C12orf75: variants seen among roughly 807,000 people sequenced by gnomAD.
C12orf75 encodes chromosome 12 open reading frame 75.
Under a neutral mutation model 11.4 loss-of-function variants are expected in C12orf75, and 4 were observed. That is an observed-to-expected ratio of 0.35 (90% confidence interval 0.17 to 0.80). C12orf75 has a LOEUF of 0.80. C12orf75 is among the 30% of genes least tolerant of loss of function. C12orf75 has a pLI of 0.52. For synonymous variants in C12orf75, 30 were observed against 30.0 expected (o/e 1.00, Z 0.00); for missense variants, 89 against 80.4 (o/e 1.11, Z -0.41).
chr12:105,363,207 C>T (rs542533015), intron 2 of C12orf75, among the ~76,000 whole-genome samples: 79 of 152,352 alleles, frequency 5.2e-4, no homozygotes, highest in Middle Eastern at 3.4e-3. Flanking sequence ...CAGGCCTAGG[C>T]CCTCAGAGCT....
chr12:105,352,303 G>A (rs142949526), intron 2 of C12orf75, among the ~76,000 whole-genome samples: 45 of 152,260 alleles, frequency 3.0e-4, no homozygotes, highest in Middle Eastern at 3.4e-3. Context: ...GTGGAAGTGA[G>A]CCAGGTGCAA....
rs1340652246 is a variant in C12orf75 at position 105,371,473 on chromosome 12, AT to A, written c.*875del. On this transcript the variant is annotated 3_prime_UTR_variant, in exon 6 of 6. Transcript: ENST00000443585. ...TTAGTATTGCAATGTAAGTTACTCAATTCACCAATGTATTTCAACAATTAAA... is the reference window on the plus strand; with the variant it reads ...TTAGTATTGCAATGTAAGTTACTCAATCACCAATGTATTTCAACAATTAAA... The A allele has an allele frequency of 2.6e-5, 4 of 152,328 alleles. No individual in the cohort carries two copies. In the East Asian group the frequency reaches 7.7e-4, roughly 29 times the overall value. 9.4% of individuals were successfully genotyped at this position (152,328 alleles called of 1,614,324 possible).
In C12orf75 at chr12:105,330,896, G is replaced by T. The variant is rs1054851755; in HGVS notation, c.5G>T (p.Gly2Val). 25 of 1,248,360 alleles carry T rather than the reference G, an allele frequency of 2.0e-5. No individual in the cohort carries two copies. The highest frequency in any genetic ancestry group is 3.1e-4 in the Middle Eastern group (1 of 3,278). 77.3% of individuals were successfully genotyped at this position (1,248,360 alleles called of 1,614,324 possible). M[G>V]CGNSTATSAG... ...GCTTCCCCGGCCGGCTGCGCGATGG[G>T]CTGCGGGAACTCCACCGCCACCAGC... Residue 2 changes from glycine to valine, a missense_variant, in exon 1 of 6, where the codon GGC becomes GTC. Transcript: ENST00000443585.
chr12:105,368,275 T>C (rs1159242470), intron 5 of C12orf75, among the ~76,000 whole-genome samples: 2 of 152,152 alleles, frequency 1.3e-5, no homozygotes, highest in Non-Finnish European at 2.9e-5. Context: ...CATGCTGGGC[T>C]CTCCACTGTA....
intron 1 of C12orf75, among the ~76,000 whole-genome samples, chr12:105,334,021 G>T (rs899915457): frequency 6.6e-6 from 1 of 152,168 alleles, no homozygotes; most frequent in Non-Finnish European, 1.5e-5. Flanking sequence ...ATGACAGATT[G>T]ATATGCAGTA....
intron 1 of C12orf75, among the ~76,000 whole-genome samples, chr12:105,345,726 A>G (rs1334096471): frequency 2.4e-5 from 3 of 123,568 alleles, no homozygotes; most frequent in Non-Finnish European, 3.1e-5. Context: ...CAGTGGTGCA[A>G]TCTCAACTCA....
At chr12:105,357,062 C>G (rs1449746073) in intron 2 of C12orf75, among the ~76,000 whole-genome samples, 1 of 152,184 alleles carries the variant, frequency 6.6e-6, no homozygotes, top group Non-Finnish European at 1.5e-5. Flanking sequence ...GCCCACCTTC[C>G]AGAACCCCGA....
intron 2 of C12orf75, among the ~76,000 whole-genome samples, chr12:105,354,175 GA>G (rs889669800): frequency 1.3e-5 from 2 of 152,138 alleles, no homozygotes; most frequent in African/African-American, 4.8e-5. Context: ...AAGTAGCATT[GA>G]AAAAGCCTGC....
In C12orf75 at chr12:105,330,702, G is replaced by A; in HGVS notation, c.-190G>A. 1 of 412,776 alleles carries A rather than the reference G, an allele frequency of 2.4e-6. No individual in the cohort carries two copies. Among genetic ancestry groups the A allele is most frequent in the Non-Finnish European group, 3.6e-6 (1 of 274,646 alleles). The allele number at this position is 412,776 out of a possible 1,614,324, so 25.6% of individuals were successfully genotyped here. ...GAGGGGTGCCGGGTGGTTTCCGCCC[G>A]GCAGCCCGCAGCCCGCTGCGCCCCG... On this transcript the variant is annotated 5_prime_UTR_variant, in exon 1 of 6. Transcript: ENST00000443585.
chr12:105,352,835 T>G (rs1009172528), intron 2 of C12orf75, among the ~76,000 whole-genome samples: 1 of 152,192 alleles, frequency 6.6e-6, no homozygotes, highest in African/African-American at 2.4e-5. Flanking sequence ...TGACAATGTC[T>G]AGAAACTTAA....
intron 1 of C12orf75, among the ~76,000 whole-genome samples, chr12:105,333,848 G>C (rs715167): frequency 0.47 from 70,936 of 151,958 alleles, 16,905 homozygotes; most frequent in Non-Finnish European, 0.51. Context: ...AATATTTTTT[G>C]ATGCATTAAC....
intron 2 of C12orf75, among the ~76,000 whole-genome samples, chr12:105,355,192 C>A (rs555474006): frequency 1.7e-3 from 111 of 63,714 alleles, no homozygotes; most frequent in East Asian, 6.0e-3. Flanking sequence ...TTTTTTTTTT[C>A]AGAGTTTTGC....
intron 1 of C12orf75, among the ~76,000 whole-genome samples, chr12:105,338,307 T>C (rs945370083): frequency 6.6e-6 from 1 of 152,184 alleles, no homozygotes; most frequent in Non-Finnish European, 1.5e-5. Flanking sequence ...CCCGAGTAGC[T>C]GGGATTACAG....
chr12:105,341,882 G>A (rs1892579242), intron 1 of C12orf75, among the ~76,000 whole-genome samples: 1 of 152,238 alleles, frequency 6.6e-6, no homozygotes, highest in South Asian at 2.1e-4. Flanking sequence ...TAGTGAATAA[G>A]TCATGAGATC....
intron 1 of C12orf75, among the ~76,000 whole-genome samples, chr12:105,338,826 A>G (rs1309698513): frequency 1.3e-5 from 2 of 152,162 alleles, no homozygotes; most frequent in African/African-American, 2.4e-5. Context: ...CCATTCATGA[A>G]GGATCTGCCC....
Position 105,371,392 on chromosome 12 carries a change from G to A in C12orf75, c.*792G>A, listed in dbSNP as rs142018451. 2 of 152,150 alleles carry A rather than the reference G, an allele frequency of 1.3e-5. No homozygotes were observed. Among genetic ancestry groups the A allele is most frequent in the South Asian group, 2.1e-4 (1 of 4,824 alleles). The allele number at this position is 152,150 out of a possible 1,614,324, so 9.4% of individuals were successfully genotyped here. On this transcript the variant is annotated 3_prime_UTR_variant, in exon 6 of 6. Coordinates refer to ENST00000443585, the MANE Select transcript of C12orf75 (RefSeq NM_001145199.2). ...TTTCTATAACTTTTCAAGGACTTGC[G>A]ATGGATGGTTAGTGGGATATCTGGA...
chr12:105,366,874 A>T (rs1871495493), intron 4 of C12orf75, among the ~76,000 whole-genome samples, 178 bp downstream of exon 4: 1 of 152,214 alleles, frequency 6.6e-6, no homozygotes, highest in South Asian at 2.1e-4. Flanking sequence ...CCACATGGTA[A>T]GAAGAATTCC....
intron 2 of C12orf75, among the ~76,000 whole-genome samples, chr12:105,360,158 A>T (rs1892841448): frequency 6.6e-6 from 1 of 152,306 alleles, no homozygotes; most frequent in East Asian, 1.9e-4. Flanking sequence ...TCTGGGCCCT[A>T]TCACTGGCTG....
At chr12:105,344,461 G>A (rs1170499635) in intron 1 of C12orf75, among the ~76,000 whole-genome samples, 1 of 152,110 alleles carries the variant, frequency 6.6e-6, no homozygotes, top group East Asian at 1.9e-4. Context: ...TTGAGGACTC[G>A]GCCGGGTGTA....
Sources: allele counts gnomAD v4.1 joint callset (sites outside exome capture counted in the v4.1 genomes callset), GRCh38; gene constraint gnomAD v4.1.1; transcripts MANE v1.5; gene names NCBI Gene and HGNC (gene_info 2026-07-23, HGNC 2026-07-21).